The following METTL15 variants were observed in gnomAD, a reference collection of about 807,000 sequenced individuals.
METTL15 encodes the protein 12S rRNA N(4)-cytidine methyltransferase METTL15.
In METTL15, 34 loss-of-function variants were observed where a neutral mutation model predicts 38.3. The observed-to-expected ratio is 0.89, with a 90% CI of 0.68 to 1.18. The LOEUF is 1.18. METTL15 is among the 50% of genes most tolerant of loss of function. The pLI is 0.00. For missense variants in METTL15, 438 were observed against 498.4 expected, an observed-to-expected ratio of 0.88 and a Z score of 1.15; for synonymous variants, 162 against 170.9, an observed-to-expected ratio of 0.95 and a Z score of 0.41.
chr11:28,111,965 C>A (rs564725300), intron 2 of METTL15, among the ~76,000 whole-genome samples: 23 of 152,092 alleles, frequency 1.5e-4, no homozygotes, highest in South Asian at 6.2e-4. Context: ...CATTCCCCCC[C>A]CCACCGACAT....
chr11:28,210,772 A>G (rs1240727293), intron 3 of METTL15, among the ~76,000 whole-genome samples: 9 of 152,020 alleles, frequency 5.9e-5, no homozygotes, highest in Admixed American at 5.2e-4. Context: ...TGGGGGCACA[A>G]CAGTGTGACC....
chr11:28,239,641 C>CTTT (rs1565194382), intron 4 of METTL15, among the ~76,000 whole-genome samples: 1 of 152,118 alleles, frequency 6.6e-6, no homozygotes, highest in Non-Finnish European at 1.5e-5. Flanking sequence ...TCTGTTCTTG[C>CTTT]CCCACCAGCT....
At chr11:28,154,017 G>A (rs1460273105) in intron 3 of METTL15, among the ~76,000 whole-genome samples, 3 of 152,054 alleles carry the variant, frequency 2.0e-5, no homozygotes, top group Non-Finnish European at 2.9e-5. Context: ...TGAAATAATG[G>A]AGCTGTTTGA....
intron 5 of METTL15, chr11:28,398,837 A>T (rs1438499367): frequency 6.6e-6 from 1 of 151,958 alleles, no homozygotes; most frequent in African/African-American, 2.4e-5. Context: ...ATGCTCATGT[A>T]TAGAAAGAAT....
intron 5 of METTL15, among the ~76,000 whole-genome samples, chr11:28,291,889 A>C (rs1046631548): frequency 6.6e-6 from 1 of 152,102 alleles, no homozygotes; most frequent in African/African-American, 2.4e-5. Context: ...TGGTTTTCCC[A>C]AGAGCTTGAA....
chr11:28,233,226 G>A (rs1024687968), intron 4 of METTL15, among the ~76,000 whole-genome samples: 3 of 151,864 alleles, frequency 2.0e-5, no homozygotes, highest in African/African-American at 7.3e-5. Flanking sequence ...TCAATTGTTA[G>A]GACATAATAT....
intron 3 of METTL15, among the ~76,000 whole-genome samples, chr11:28,342,699 T>C (rs1255227038): frequency 2.0e-5 from 3 of 152,238 alleles, no homozygotes; most frequent in African/African-American, 7.2e-5. Flanking sequence ...CTTTTAAGGC[T>C]TCTTTCATCT....
At chr11:28,224,145 G>T (rs917196257) in intron 4 of METTL15, among the ~76,000 whole-genome samples, 3 of 151,796 alleles carry the variant, frequency 2.0e-5, no homozygotes, top group African/African-American at 7.3e-5. Context: ...GGTAATCGGG[G>T]TTAGTGATTT....
At chr11:28,441,351 A>G (rs1851033366) in intron 6 of METTL15, among the ~76,000 whole-genome samples, 1 of 152,032 alleles carries the variant, frequency 6.6e-6, no homozygotes, top group East Asian at 1.9e-4. Context: ...ATTAATCACA[A>G]TTTGTGGGGA....
intron 4 of METTL15, among the ~76,000 whole-genome samples, chr11:28,352,370 C>T (rs144166753): frequency 2.0e-5 from 3 of 152,182 alleles, no homozygotes; most frequent in African/African-American, 7.2e-5. Context: ...GTTTTACTCA[C>T]CTCTATTGCT....
rs1409271383 is a variant in METTL15 at position 28,390,410 on chromosome 11, G to A, written c.*358+28374G>A. Among the ~76,000 whole-genome samples, 5 of 152,072 alleles carry A rather than the reference G, an allele frequency of 3.3e-5. No individual in the cohort carries two copies. The South Asian group carries it at 6.3e-4, about 19-fold the overall frequency. ...CATCTTGAATTAATTTTTGTATAAG[G>A]TGTAAGGAAGGGATCCAGTTTCAGC... is the stretch of plus-strand genomic sequence containing the variant. On this transcript the variant is annotated intron_variant and NMD_transcript_variant, in intron 5 of 7. Coordinates refer to the METTL15 transcript ENST00000532947.
intron 6 of METTL15, chr11:28,518,989 A>G (rs931319421): frequency 6.6e-6 from 1 of 152,236 alleles, no homozygotes; most frequent in African/African-American, 2.4e-5. Context: ...GTTTGTTTGC[A>G]TATTTCTCAG....
chr11:28,377,028 C>A (rs890420140), intron 5 of METTL15, among the ~76,000 whole-genome samples: 2 of 129,804 alleles, frequency 1.5e-5, no homozygotes, highest in African/African-American at 2.6e-5. Flanking sequence ...CCGAGAGATC[C>A]GCTGTTAGTC....
At chr11:28,294,303 C>T (rs982426782) in intron 5 of METTL15, among the ~76,000 whole-genome samples, 2 of 152,112 alleles carry the variant, frequency 1.3e-5, no homozygotes, top group Non-Finnish European at 2.9e-5. Flanking sequence ...CAAACATGTG[C>T]AATGCTAATC....
chr11:28,288,586 C>T (rs565717042), intron 4 of METTL15, among the ~76,000 whole-genome samples: 9 of 152,170 alleles, frequency 5.9e-5, no homozygotes, highest in African/African-American at 9.6e-5. Context: ...ACCACATGCT[C>T]GTGGTTATAA....
chr11:28,499,728 G>A (rs779679523), intron 6 of METTL15, among the ~76,000 whole-genome samples: 21 of 152,082 alleles, frequency 1.4e-4, no homozygotes, highest in Non-Finnish European at 2.8e-4. Context: ...AAAAGACACT[G>A]TTGGGCATTT....
chr11:28,324,343 CA>C (rs1160674369), intron 6 of METTL15, among the ~76,000 whole-genome samples: 9 of 152,150 alleles, frequency 5.9e-5, no homozygotes, highest in Non-Finnish European at 2.9e-5. Context: ...TATCATGTCT[CA>C]TTTTTTTCTG....
intron 3 of METTL15, among the ~76,000 whole-genome samples, chr11:28,169,296 G>A (rs930648299): frequency 7.2e-5 from 11 of 152,240 alleles, no homozygotes; most frequent in African/African-American, 2.6e-4. Context: ...TAAGTACTTT[G>A]ACAACTTCAC....
intron 3 of METTL15, among the ~76,000 whole-genome samples, chr11:28,130,605 C>A (rs1852723466): frequency 6.6e-6 from 1 of 151,964 alleles, no homozygotes; most frequent in Admixed American, 6.6e-5. Flanking sequence ...TAGCAACTGA[C>A]TGAGAGAGAT....
Sources: gnomAD v4.1 joint callset for allele counts (sites outside exome capture counted in the v4.1 genomes callset) on GRCh38, gnomAD v4.1.1 for gene constraint, MANE v1.5 for transcripts, NCBI Gene and HGNC (gene_info 2026-07-23, HGNC 2026-07-21) for gene names.